The following PADI6 variants were observed in gnomAD, a reference collection of about 807,000 sequenced individuals.
PADI6 encodes peptidyl arginine deiminase 6, also known as inactive protein-arginine deiminase type-6.
In PADI6, 66 loss-of-function variants were observed where a neutral mutation model predicts 78.2. That is an observed-to-expected ratio of 0.84 (90% CI 0.69 to 1.04). The LOEUF is 1.04. Ranked by LOEUF, PADI6 falls within the 50% of genes least tolerant of loss-of-function variation. The pLI is 0.00. For synonymous variants in PADI6, 397 were observed against 346.9 expected (o/e 1.14, Z -1.60); for missense variants, 854 against 866.1 (o/e 0.99, Z 0.18).
At chr1:17,374,143 A>G (rs2074992584) in intron 2 of PADI6, among the ~76,000 whole-genome samples, 1 of 152,118 alleles carries the variant, frequency 6.6e-6, no homozygotes, top group African/African-American at 2.4e-5. Context: ...AGGTGCACCC[A>G]GTGCGGGGCT....
At chr1:17,398,656 C>CA (rs2075270448) in intron 14 of PADI6, 30 bp from the exon 15 acceptor site, 3 of 92,408 alleles carry the variant, frequency 3.2e-5, no homozygotes, top group Admixed American at 1.3e-4. Context: ...GCTCCCCCGC[C>CA]CCCCCCCCCA....
intron 3 of PADI6, among the ~76,000 whole-genome samples, chr1:17,378,810 G>T (rs1268025507): frequency 2.0e-5 from 3 of 152,134 alleles, no homozygotes; most frequent in Non-Finnish European, 2.9e-5. Context: ...TTGCCATGTT[G>T]CTCAGTCTGG....
At chr1:17,400,005 AG>A (rs2075285463) in intron 15 of PADI6, among the ~76,000 whole-genome samples, 1 of 152,022 alleles carries the variant, frequency 6.6e-6, no homozygotes, top group Non-Finnish European at 1.5e-5. Context: ...ACTGGACTCC[AG>A]CCTGGGCAAC....
Position 17,392,107 on chromosome 1 carries a change from A to G in PADI6, c.963-7A>G. On this transcript the variant is annotated splice_region_variant and splice_polypyrimidine_tract_variant and intron_variant, in intron 8 of 15. Coordinates refer to ENST00000619609, the MANE Select transcript of PADI6 (RefSeq NM_207421.4). Reference sequence around the variant, plus strand: ...CCTTCCCAGAACTGGCTTCTCTCCCATGGCAGGGAGCTGCAGCTGCAGGGT... The same window carrying G: ...CCTTCCCAGAACTGGCTTCTCTCCCGTGGCAGGGAGCTGCAGCTGCAGGGT... The G allele has an allele frequency of 4.5e-6, 7 of 1,553,572 alleles. No homozygotes were observed. Among genetic ancestry groups the G allele is most frequent in the Non-Finnish European group, 6.1e-6 (7 of 1,148,098 alleles).
intron 8 of PADI6, among the ~76,000 whole-genome samples, chr1:17,389,246 T>A (rs377733255): frequency 1.3e-5 from 2 of 151,822 alleles, no homozygotes; most frequent in Non-Finnish European, 2.9e-5. Flanking sequence ...GAAGGGGCGG[T>A]GTGGGGATGG....
At chr1:17,395,501 C>T in intron 12 of PADI6, 39 bp from the exon 13 acceptor site, 2 of 1,545,128 alleles carry the variant, frequency 1.3e-6, no homozygotes, top group Non-Finnish European at 1.7e-6. Flanking sequence ...CCATGTCCAG[C>T]TGAGAAAGCT....
intron 3 of PADI6, among the ~76,000 whole-genome samples, chr1:17,375,968 ACAT>A (rs972434995): frequency 1.3e-5 from 2 of 149,818 alleles, no homozygotes; most frequent in Non-Finnish European, 2.9e-5. Flanking sequence ...AAGCTCTATA[ACAT>A]CTACTTTTTT....
intron 1 of PADI6, 142 bp downstream of exon 1, chr1:17,372,503 G>T (rs934872104): frequency 5.2e-6 from 4 of 772,458 alleles, no homozygotes; most frequent in African/African-American, 1.7e-5. Context: ...GGTCTCTAGT[G>T]GGGGGCCTCC....
rs1557603600 is a variant in PADI6, at chr1:17,388,592, AGGATGCTCCGGTGGG to A, written c.858+37_858+51del. On this transcript the variant is annotated intron_variant, in intron 7 of 15. Coordinates refer to ENST00000619609, the MANE Select transcript of PADI6 (RefSeq NM_207421.4). ...CCCATAATAGATGGGTCCTCAGACT[AGGATGCTCCGGTGGG>A]GGAAAAGCCATCTCCCACAGTTGGG... is the stretch of plus-strand genomic sequence containing the variant. The A allele has an allele frequency of 2.6e-6, 4 of 1,556,690 alleles. No individual in the cohort carries two copies. In the East Asian group the frequency reaches 9.1e-5, roughly 35 times the overall value.
chr1:17,397,048 C>T (rs1387032427), intron 13 of PADI6, 23 bp from the exon 14 acceptor site: 1 of 1,611,794 alleles, frequency 6.2e-7, no homozygotes, highest in Non-Finnish European at 8.5e-7. Flanking sequence ...ACCAGCAGGC[C>T]TGCTGCCCGC....
In PADI6 at chr1:17,381,168, G is replaced by T; in HGVS notation, c.553+4G>T. ...AAGAAAGTGATCTTTTCAGAGGGTA[G>T]GACCTCAGACTGTCTCTGCCTTTCC... On this transcript the variant is annotated splice_donor_region_variant and intron_variant, in intron 5 of 15. Coordinates refer to ENST00000619609, the MANE Select transcript of PADI6 (RefSeq NM_207421.4). 1 of 1,587,230 alleles carries T rather than the reference G, an allele frequency of 6.3e-7. No homozygotes were observed. Among genetic ancestry groups the T allele is most frequent in the South Asian group, 1.2e-5 (1 of 86,934 alleles).
rs71575834 is a variant in PADI6 at position 17,399,729 on chromosome 1, T to TAAAAA, written c.1851+886_1851+890dup. Among the ~76,000 whole-genome samples, 46 of 147,690 alleles carry TAAAAA rather than the reference T, an allele frequency of 3.1e-4. 1 individual carries two copies. The highest frequency in any genetic ancestry group is 2.2e-3 in the Admixed American group (32 of 14,738). ...GCAACATAGTGAGACCCTGCAACTT[T>TAAAAA]AAAAAAAAGAAAAAAAAAATGCTGG... On this transcript the variant is annotated intron_variant, in intron 15 of 15. Transcript: ENST00000619609.
At chr1:17,382,438 T>C (rs1242721746) in intron 6 of PADI6, among the ~76,000 whole-genome samples, 1 of 152,162 alleles carries the variant, frequency 6.6e-6, no homozygotes, top group Non-Finnish European at 1.5e-5. Context: ...TCCCAGTGAC[T>C]CCTCTCAGGA....
chr1:17,382,967 G>T (rs1321412913), intron 6 of PADI6, among the ~76,000 whole-genome samples: 1 of 152,142 alleles, frequency 6.6e-6, no homozygotes, highest in Non-Finnish European at 1.5e-5. Flanking sequence ...TGCTTTTCTT[G>T]TAGAGACGGG....
intron 15 of PADI6, among the ~76,000 whole-genome samples, chr1:17,400,387 A>T (rs958141963): frequency 6.6e-6 from 1 of 151,476 alleles, no homozygotes; most frequent in African/African-American, 2.4e-5. Flanking sequence ...CATGCCTGTC[A>T]TCCCAGCTAC....
Position 17,401,292 on chromosome 1 carries a change from A to T in PADI6, c.1939A>T (p.Ile647Phe). The T allele has an allele frequency of 1.9e-6, 3 of 1,614,076 alleles. No homozygotes were observed. In the East Asian group the frequency reaches 6.7e-5, roughly 36 times the overall value. Residue 647 changes from isoleucine (I) to phenylalanine (F), a missense_variant, in exon 16 of 16, where the codon ATT becomes TTT. Physicochemically the swap from Ile to Phe is conservative, Grantham distance 21. Coordinates refer to ENST00000619609, the MANE Select transcript of PADI6 (RefSeq NM_207421.4). ...GGGGACCTGCTGCCTGGAAGAAAAG[A>T]TTTGCTGCTTGCTGGAGCCCCTGGG... ...IKGTCCLEEK[I>F]CCLLEPLGFK...
At chr1:17,381,560 T>G (rs2075073413) in intron 5 of PADI6, among the ~76,000 whole-genome samples, 1 of 152,220 alleles carries the variant, frequency 6.6e-6, no homozygotes, top group African/African-American at 2.4e-5. Flanking sequence ...CCAGGAACCT[T>G]GGACTGTCTT....
Position 17,379,963 on chromosome 1 carries a change from G to A in PADI6, c.411G>A (p.Glu137=). ...ACATCTACCGCAATGGGCAAGTTGA[G>A]ATGTCAAGTGACAAACAGGCTAAGG... The part of the protein sequence containing the change: ...EVDIYRNGQV[E]MSSDKQAKKK... The change falls in exon 4 of 16, where the codon GAG becomes GAA. Residue 137 remains glutamate, a synonymous_variant. Coordinates refer to ENST00000619609, the MANE Select transcript of PADI6 (RefSeq NM_207421.4). 1.2e-6 allele frequency: 2 copies of A among 1,613,558 alleles called. No homozygotes were observed. The highest frequency in any genetic ancestry group is 1.7e-6 in the Non-Finnish European group (2 of 1,179,608).
In PADI6 at chr1:17,394,001, G is replaced by A. The variant is rs1225837363; in HGVS notation, c.1101G>A (p.Gln367=). The change falls in exon 10 of 16, where the codon CAG becomes CAA. Residue 367 remains glutamine, a synonymous_variant. Coordinates refer to ENST00000619609, the MANE Select transcript of PADI6 (RefSeq NM_207421.4). ...LQDEMAFCYT[Q]APHKTTSLIL... is the part of the protein sequence containing the mutation. ...ATGAGATGGCCTTCTGCTACACCCAGGCTCCCCACAAGACAACGTCCTTGA... is the reference window on the plus strand; with the variant it reads ...ATGAGATGGCCTTCTGCTACACCCAAGCTCCCCACAAGACAACGTCCTTGA... 1.2e-6 allele frequency: 2 copies of A among 1,613,776 alleles called. No homozygotes were observed. The highest frequency in any genetic ancestry group is 3.3e-5 in the Admixed American group (2 of 60,000).
Sources: gnomAD v4.1 joint callset for allele counts (sites outside exome capture counted in the v4.1 genomes callset) on GRCh38, gnomAD v4.1.1 for gene constraint, MANE v1.5 for transcripts, NCBI Gene and HGNC (gene_info 2026-07-23, HGNC 2026-07-21) for gene names.